Variants in PRKG1 observed in about 807,000 individuals in gnomAD.
PRKG1 encodes protein kinase cGMP-dependent 1.
In PRKG1, 35 loss-of-function variants were observed where a neutral mutation model predicts 88.1. That is an observed-to-expected ratio of 0.40 (90% confidence interval 0.30 to 0.53). PRKG1 has a LOEUF of 0.53. Ranked by LOEUF, PRKG1 falls within the 20% of genes least tolerant of loss-of-function variation. PRKG1 has a pLI of 0.59. For synonymous variants in PRKG1, 303 were observed against 292.5 expected (o/e 1.04, Z -0.37); for missense variants, 540 against 839.8 (o/e 0.64, Z 4.41).
chr10:51,210,951 C>T (rs1176819259), intron 2 of PRKG1, among the ~76,000 whole-genome samples: 6 of 152,122 alleles, frequency 3.9e-5, no homozygotes, highest in Non-Finnish European at 8.8e-5. Flanking sequence ...GGAATCCTCC[C>T]AAACTCATTT....
At chr10:51,461,404 A>T (rs910092801) in intron 2 of PRKG1, among the ~76,000 whole-genome samples, 5 of 152,212 alleles carry the variant, frequency 3.3e-5, no homozygotes, top group African/African-American at 1.2e-4. Context: ...GAAACTATGG[A>T]TACAAAAAGG....
chr10:51,743,057 A>G (rs7893933), intron 3 of PRKG1, among the ~76,000 whole-genome samples: 15,213 of 150,170 alleles, frequency 0.1, 800 homozygotes, highest in South Asian at 0.14. Context: ...TTAAAAAGAG[A>G]GAGAGAGAGA....
intron 2 of PRKG1, among the ~76,000 whole-genome samples, chr10:51,404,831 A>G (rs953324610): frequency 1.1e-4 from 16 of 152,152 alleles, no homozygotes; most frequent in African/African-American, 3.9e-4. Flanking sequence ...TCATTCTCTC[A>G]CCTCTACATC....
At chr10:51,031,150 A>G (rs1462342923) in intron 1 of PRKG1, among the ~76,000 whole-genome samples, 1 of 152,062 alleles carries the variant, frequency 6.6e-6, no homozygotes, top group Non-Finnish European at 1.5e-5. Context: ...AATCTTCTAA[A>G]TTTTCCCTTT....
chr10:51,113,872 A>G (rs1015690048), intron 1 of PRKG1, among the ~76,000 whole-genome samples: 10 of 151,998 alleles, frequency 6.6e-5, no homozygotes, highest in African/African-American at 2.4e-4. Context: ...TGAGCTTCAC[A>G]CTCAGAACAT....
chr10:52,263,678 C>A (rs1264308157), intron 10 of PRKG1, among the ~76,000 whole-genome samples: 2 of 151,482 alleles, frequency 1.3e-5, no homozygotes, highest in Non-Finnish European at 2.9e-5. Context: ...GAGGCTCAAG[C>A]AATCTCCCAC....
intron 2 of PRKG1, among the ~76,000 whole-genome samples, chr10:51,360,839 A>G (rs1191388254): frequency 6.6e-6 from 1 of 151,892 alleles, no homozygotes; most frequent in Admixed American, 6.6e-5. Context: ...ATGATAAGCT[A>G]TGGCCATAGA....
chr10:51,195,898 A>C (rs1030998809), intron 2 of PRKG1, among the ~76,000 whole-genome samples: 1 of 152,178 alleles, frequency 6.6e-6, no homozygotes, highest in African/African-American at 2.4e-5. Context: ...TTCCAGTTTT[A>C]TAGAGAGATA....
chr10:51,201,659 G>A (rs1193031146), intron 2 of PRKG1, among the ~76,000 whole-genome samples: 1 of 152,140 alleles, frequency 6.6e-6, no homozygotes, highest in East Asian at 1.9e-4. Flanking sequence ...GGTCATGGGA[G>A]TGGAGCCCTT....
chr10:51,431,915 A>C (rs1838781017), intron 2 of PRKG1, among the ~76,000 whole-genome samples: 1 of 152,178 alleles, frequency 6.6e-6, no homozygotes, highest in Non-Finnish European at 1.5e-5. Context: ...TGTTTTTACC[A>C]CATATGGAAA....
At chr10:51,653,912 G>A (rs940373402) in intron 3 of PRKG1, among the ~76,000 whole-genome samples, 1 of 152,074 alleles carries the variant, frequency 6.6e-6, no homozygotes, top group Non-Finnish European at 1.5e-5. Flanking sequence ...TCTTGCTAAG[G>A]TTGAGTTCCC....
chr10:51,200,511 T>G (rs1837886485), intron 2 of PRKG1, among the ~76,000 whole-genome samples: 1 of 152,168 alleles, frequency 6.6e-6, no homozygotes. Flanking sequence ...TATTCTTCCT[T>G]TCAGTTATCA....
intron 1 of PRKG1, among the ~76,000 whole-genome samples, chr10:51,084,954 A>T (rs111259769): frequency 4.3e-4 from 65 of 152,350 alleles, no homozygotes; most frequent in African/African-American, 1.5e-3. Flanking sequence ...TGAGGAAAAA[A>T]CATATCTTCT....
chr10:51,648,503 T>C (rs1459168431), intron 3 of PRKG1, among the ~76,000 whole-genome samples: 2 of 152,144 alleles, frequency 1.3e-5, no homozygotes, highest in African/African-American at 4.8e-5. Flanking sequence ...TTATTCTCTC[T>C]CTTTTTTTAA....
chr10:51,602,544 GCCT>G (rs777375703), intron 3 of PRKG1, among the ~76,000 whole-genome samples: 7 of 151,836 alleles, frequency 4.6e-5, no homozygotes, highest in Non-Finnish European at 8.8e-5. Flanking sequence ...TCCTGCGTCA[GCCT>G]CGTGAGTAGC....
intron 3 of PRKG1, among the ~76,000 whole-genome samples, chr10:51,664,070 T>C (rs1049907535): frequency 2.6e-5 from 4 of 152,138 alleles, no homozygotes; most frequent in Non-Finnish European, 4.4e-5. Context: ...TTATTATTAA[T>C]ATTTTTGAGA....
intron 3 of PRKG1, among the ~76,000 whole-genome samples, chr10:51,476,957 C>G (rs1840212701): frequency 6.6e-6 from 1 of 151,724 alleles, no homozygotes; most frequent in African/African-American, 2.4e-5. Flanking sequence ...AATAGTCCTG[C>G]ACTTTAGGGA....
intron 2 of PRKG1, among the ~76,000 whole-genome samples, chr10:51,253,039 A>C (rs1839466813): frequency 6.6e-6 from 1 of 151,874 alleles, no homozygotes; most frequent in South Asian, 2.1e-4. Context: ...CAGTCCCTCT[A>C]CACCAGTTGA....
chr10:51,198,707 C>A (rs1837836952), intron 2 of PRKG1, among the ~76,000 whole-genome samples: 1 of 152,184 alleles, frequency 6.6e-6, no homozygotes, highest in African/African-American at 2.4e-5. Context: ...CTTATGCCGT[C>A]AGTCTTTGGG....
Sources: gnomAD v4.1 joint callset for allele counts (sites outside exome capture counted in the v4.1 genomes callset) on GRCh38, gnomAD v4.1.1 for gene constraint, MANE v1.5 for transcripts, NCBI Gene and HGNC (gene_info 2026-07-23, HGNC 2026-07-21) for gene names.